Variants in TNIK observed in about 807,000 individuals in gnomAD.
TNIK encodes the protein TRAF2 and NCK interacting kinase.
TNIK carries 49 observed loss-of-function variants against 191.3 expected under a neutral mutation model. That is an observed-to-expected ratio of 0.26 (90% confidence interval 0.20 to 0.32). TNIK has a LOEUF of 0.32. TNIK is among the 10% of genes least tolerant of loss of function. The probability of loss-of-function intolerance (pLI) is 1.00; values close to 1 mark genes in which losing one functional copy is unlikely to be tolerated. For synonymous variants in TNIK, 594 were observed against 600.9 expected, an observed-to-expected ratio of 0.99 and a Z score of 0.17; for missense variants, 1,155 against 1,702.3, an observed-to-expected ratio of 0.68 and a Z score of 5.66.
intron 9 of TNIK, 85 bp downstream of exon 9, chr3:171,175,167 G>T: frequency 7.9e-7 from 1 of 1,267,778 alleles, no homozygotes; most frequent in Non-Finnish European, 1.1e-6. Context: ...TCTATCAGCA[G>T]GACCTAGGGA....
chr3:171,393,260 G>A lies in TNIK; in HGVS notation c.58-23575C>T, dbSNP rs1719805012. Among the ~76,000 whole-genome samples the A allele has an allele frequency of 2.6e-5, 4 of 152,226 alleles. No individual in the cohort carries two copies. The South Asian group carries it at 8.3e-4, about 32-fold the overall frequency. On this transcript the variant is annotated intron_variant, in intron 1 of 32. Coordinates refer to ENST00000436636, the MANE Select transcript of TNIK (RefSeq NM_015028.4). Reference sequence around the variant, plus strand: ...AGCCGCAGAAGCAAAATACAATCTCGCGGTCAGTGCAGACCCAGCTGCCCT... The same window carrying A: ...AGCCGCAGAAGCAAAATACAATCTCACGGTCAGTGCAGACCCAGCTGCCCT...
intron 2 of TNIK, among the ~76,000 whole-genome samples, chr3:171,291,327 A>T (rs1751660558): frequency 6.6e-6 from 1 of 152,124 alleles, no homozygotes; most frequent in Non-Finnish European, 1.5e-5. Context: ...GCCATTTCTG[A>T]TGTTCTACAT....
chr3:171,383,192 G>A (rs994990701), intron 1 of TNIK, among the ~76,000 whole-genome samples: 3 of 152,142 alleles, frequency 2.0e-5, no homozygotes, highest in Non-Finnish European at 4.4e-5. Context: ...TGATGATACA[G>A]GGGGCAAGGA....
At chr3:171,245,594 AT>A (rs1461332164) in intron 2 of TNIK, among the ~76,000 whole-genome samples, 10 of 151,906 alleles carry the variant, frequency 6.6e-5, no homozygotes, top group Admixed American at 4.6e-4. Context: ...GATCCTCAAG[AT>A]TTTGGTATAA....
chr3:171,168,678 G>A (rs759932380), intron 9 of TNIK, among the ~76,000 whole-genome samples: 5 of 152,180 alleles, frequency 3.3e-5, no homozygotes, highest in Non-Finnish European at 5.9e-5. Context: ...GGTTGCCCCA[G>A]GATGAATCAG....
At chr3:171,426,213 T>C (rs1265533443) in intron 1 of TNIK, among the ~76,000 whole-genome samples, 1 of 151,854 alleles carries the variant, frequency 6.6e-6, no homozygotes, top group African/African-American at 2.4e-5. Context: ...CACCATGGAA[T>C]ACAATGCAGC....
At position 171,429,826 on chromosome 3, in the gene TNIK, TTTC is replaced by T. The variant is rs572109825; in HGVS notation, c.57+30178_57+30180del. On this transcript the variant is annotated intron_variant, in intron 1 of 32. Coordinates refer to ENST00000436636, the MANE Select transcript of TNIK (RefSeq NM_015028.4). ...GGAATCCTACCTCGCCCCAGAAGCC[TTTC>T]ACATACATTCTAACCAAGAGTGGTT... is the stretch of plus-strand genomic sequence containing the variant. Among the ~76,000 whole-genome samples, 401 of 152,270 alleles carry T rather than the reference TTTC, an allele frequency of 2.6e-3. 5 individuals are homozygous for T. Among genetic ancestry groups the T allele is most frequent in the Non-Finnish European group, 2.9e-3 (200 of 68,014 alleles).
At chr3:171,166,903 T>C (rs148331664) in intron 10 of TNIK, among the ~76,000 whole-genome samples, 192 bp downstream of exon 10, 1 of 152,194 alleles carries the variant, frequency 6.6e-6, no homozygotes, top group Admixed American at 6.5e-5. Context: ...GTTCTATTTT[T>C]TTCATGAAAG....
rs1219350216 is a variant in TNIK at position 171,211,158 on chromosome 3, A to C, written c.264T>G (p.Ala88=). Residue 88 remains alanine, a synonymous_variant, in exon 4 of 33, where the codon GCT becomes GCG. Transcript: ENST00000436636. ...HHRNIATYYG[A]FIKKNPPGMD... is the part of the protein sequence containing the mutation. ...TGCCTGGTGGGTTCTTTTTGATAAA[A>C]GCACCATAGTATGTAGCAATATTCC... 2.5e-6 allele frequency: 4 copies of C among 1,613,066 alleles called. No homozygotes were observed. The highest frequency in any genetic ancestry group is 3.4e-6 in the Non-Finnish European group (4 of 1,179,566).
chr3:171,115,318 A>C (rs1486582628), intron 18 of TNIK, among the ~76,000 whole-genome samples: 1 of 152,220 alleles, frequency 6.6e-6, no homozygotes, highest in Admixed American at 6.5e-5. Context: ...TGTGTTAAGC[A>C]CCAACTTTGT....
intron 2 of TNIK, among the ~76,000 whole-genome samples, chr3:171,229,833 T>C (rs1041997171): frequency 6.6e-6 from 1 of 152,126 alleles, no homozygotes; most frequent in East Asian, 1.9e-4. Flanking sequence ...TCCAATATGG[T>C]CACAGACACA....
intron 12 of TNIK, among the ~76,000 whole-genome samples, chr3:171,153,209 A>G (rs1168379779): frequency 2.0e-5 from 3 of 152,134 alleles, no homozygotes; most frequent in African/African-American, 7.2e-5. Context: ...CTTTGCTTCT[A>G]TAGCATCAAA....
chr3:171,187,629 T>C (rs1349294409), intron 7 of TNIK, among the ~76,000 whole-genome samples: 1 of 152,170 alleles, frequency 6.6e-6, no homozygotes, highest in African/African-American at 2.4e-5. Context: ...TGGAAGTACA[T>C]TACAGAGGAG....
intron 22 of TNIK, among the ~76,000 whole-genome samples, chr3:171,099,010 CTAAAGTTTACCAAT>C (rs1416871495): frequency 1.3e-5 from 2 of 152,128 alleles, no homozygotes; most frequent in Non-Finnish European, 2.9e-5. Flanking sequence ...TTCCATCTAT[CTAAAGTTTACCAAT>C]CCCTTAAGAA....
chr3:171,247,884 AG>A (rs1403198043), intron 2 of TNIK, among the ~76,000 whole-genome samples: 9 of 148,352 alleles, frequency 6.1e-5, no homozygotes, highest in African/African-American at 2.0e-4. Context: ...TATAGAGTGA[AG>A]GAAAAAATGG....
Position 171,120,890 on chromosome 3 carries a change from C to T in TNIK, c.2120+2706G>A, listed in dbSNP as rs559914218. Among the ~76,000 whole-genome samples, 3 of 152,254 alleles carry T rather than the reference C, an allele frequency of 2.0e-5. No homozygotes were observed. In the East Asian group the frequency reaches 5.8e-4, roughly 29 times the overall value. ...TTGCCCCTACTAGTACCCGTAGTCC[C>T]AGAGAGCAGCAGGTATATTACGACC... On this transcript the variant is annotated intron_variant, in intron 18 of 32. Coordinates refer to ENST00000436636, the MANE Select transcript of TNIK (RefSeq NM_015028.4).
At chr3:171,152,267 C>T (rs114833013) in intron 12 of TNIK, among the ~76,000 whole-genome samples, 1,751 of 151,342 alleles carry the variant, frequency 0.012, 40 homozygotes, top group African/African-American at 0.04. Flanking sequence ...ACAGAGTAGA[C>T]TCCATCTCAA....
intron 2 of TNIK, among the ~76,000 whole-genome samples, chr3:171,333,925 C>G (rs77271897): frequency 0.021 from 3,204 of 152,284 alleles, 118 homozygotes; most frequent in African/African-American, 0.074. Flanking sequence ...CCTTCCCTGG[C>G]CAACCACACT....
At chr3:171,394,133 C>G (rs1719925737) in intron 1 of TNIK, among the ~76,000 whole-genome samples, 1 of 152,178 alleles carries the variant, frequency 6.6e-6, no homozygotes, top group South Asian at 2.1e-4. Flanking sequence ...TAATTTTTAT[C>G]TGGGGCAAAT....
Sources: gnomAD v4.1 joint callset for allele counts (sites outside exome capture counted in the v4.1 genomes callset) on GRCh38, gnomAD v4.1.1 for gene constraint, MANE v1.5 for transcripts, NCBI Gene and HGNC (gene_info 2026-07-23, HGNC 2026-07-21) for gene names.